Variants in PKN2 observed in about 807,000 individuals in gnomAD.
PKN2 encodes protein kinase N2.
Under a neutral mutation model 119.1 loss-of-function variants are expected in PKN2, and 38 were observed. The observed-to-expected ratio is 0.32, with a 90% CI of 0.25 to 0.42. The LOEUF (loss-of-function observed/expected upper bound fraction) is 0.42, where lower values mean the gene tolerates loss of function less well. PKN2 is among the 10% of genes least tolerant of loss of function. The pLI is 1.00. For missense variants in PKN2, 850 were observed against 1,165.1 expected, an observed-to-expected ratio of 0.73 and a Z score of 3.94; for synonymous variants, 390 against 384.9, an observed-to-expected ratio of 1.01 and a Z score of -0.15.
Position 88,684,406 on chromosome 1 carries a change from A to T in PKN2, c.-175A>T. 1.8e-6 allele frequency: 1 copy of T among 552,100 alleles called. No individual in the cohort carries two copies. The highest frequency in any genetic ancestry group is 3.1e-6 in the Non-Finnish European group (1 of 322,140). 34.2% of individuals were successfully genotyped at this position (552,100 alleles called of 1,614,324 possible). ...GTGCCCTAGCTCCCCGCCGCTCTCG[A>T]TGAACCGGACGGAATAAGCCGCGCC... On this transcript the variant is annotated 5_prime_UTR_variant, in exon 1 of 22. The change abolishes an upstream ATG in the 5' untranslated region. Coordinates refer to ENST00000370521, the MANE Select transcript of PKN2 (RefSeq NM_006256.4).
chr1:88,804,609 G>A (rs1671459413), intron 9 of PKN2, 75 bp downstream of exon 9: 3 of 1,405,396 alleles, frequency 2.1e-6, no homozygotes, highest in Non-Finnish European at 3.0e-6. Context: ...TATAGAAGTA[G>A]AAAGAGTGTT....
Position 88,771,101 on chromosome 1 carries a change from T to G in PKN2, c.623-320T>G, listed in dbSNP as rs894286500. Among the ~76,000 whole-genome samples, 3 of 152,120 alleles carry G rather than the reference T, an allele frequency of 2.0e-5. No homozygotes were observed. The South Asian group carries it at 6.2e-4, about 31-fold the overall frequency. ...CTTTTGTTTTTTTGTTTTGTTTTAT[T>G]TATTTTTTAATTCCAGAAGAAATCT... On this transcript the variant is annotated intron_variant, in intron 4 of 21. Coordinates refer to ENST00000370521, the MANE Select transcript of PKN2 (RefSeq NM_006256.4).
chr1:88,795,464 A>G (rs994060518), intron 8 of PKN2, among the ~76,000 whole-genome samples: 1 of 152,210 alleles, frequency 6.6e-6, no homozygotes, highest in African/African-American at 2.4e-5. Flanking sequence ...TTCTTGAAAA[A>G]TAAGTTGTGT....
chr1:88,762,182 G>T (rs756841882), intron 3 of PKN2, among the ~76,000 whole-genome samples: 2 of 152,212 alleles, frequency 1.3e-5, no homozygotes, highest in Admixed American at 6.5e-5. Context: ...ACGAACCACT[G>T]CTCTAAGTTG....
At chr1:88,746,065 G>A (rs1421143673) in intron 2 of PKN2, among the ~76,000 whole-genome samples, 2 of 152,048 alleles carry the variant, frequency 1.3e-5, no homozygotes, top group Admixed American at 6.6e-5. Context: ...ACCCTTATAC[G>A]TAATACCTTT....
chr1:88,691,916 C>T (rs753373949), intron 1 of PKN2, among the ~76,000 whole-genome samples: 2 of 151,308 alleles, frequency 1.3e-5, no homozygotes, highest in Non-Finnish European at 2.9e-5. Context: ...CTTACTGTGC[C>T]TAATTTATAA....
At position 88,786,087 on chromosome 1, in the gene PKN2, G is replaced by T. The variant is rs531659129; in HGVS notation, c.1172-17G>T. 8.0e-6 allele frequency: 12 copies of T among 1,501,816 alleles called. No individual in the cohort carries two copies. The South Asian group carries it at 8.0e-5, about 10-fold the overall frequency. The allele number at this position is 1,501,816 out of a possible 1,614,324, so 93.0% of individuals were successfully genotyped here. On this transcript the variant is annotated splice_polypyrimidine_tract_variant and intron_variant, in intron 7 of 21. Coordinates refer to ENST00000370521, the MANE Select transcript of PKN2 (RefSeq NM_006256.4). ...AGGTTTAAAGTTTTTAAGCAAGTTT[G>T]TAAATTTTAATTACAGATGATGTCT...
At chr1:88,730,016 T>G (rs1557571736) in intron 1 of PKN2, among the ~76,000 whole-genome samples, 1 of 151,912 alleles carries the variant, frequency 6.6e-6, no homozygotes, top group Non-Finnish European at 1.5e-5. Flanking sequence ...TACAAAAAAA[T>G]TAGCCGGGTG....
chr1:88,787,801 G>C (rs1670642485), intron 8 of PKN2, among the ~76,000 whole-genome samples: 1 of 152,138 alleles, frequency 6.6e-6, no homozygotes, highest in South Asian at 2.1e-4. Flanking sequence ...ATGTTAAGCA[G>C]GTCCTCTAGG....
chr1:88,782,088 G>A (rs1478007581), intron 6 of PKN2, among the ~76,000 whole-genome samples: 3 of 151,986 alleles, frequency 2.0e-5, no homozygotes, highest in African/African-American at 4.8e-5. Flanking sequence ...AGTTTTTAGG[G>A]CAGTTTTATT....
chr1:88,804,736 G>A (rs773627181), intron 9 of PKN2, 110 bp from the exon 10 acceptor site: 29 of 756,050 alleles, frequency 3.8e-5, no homozygotes, highest in Non-Finnish European at 6.0e-5. Flanking sequence ...GAAAATGAGG[G>A]GCTGGACTAA....
intron 19 of PKN2, among the ~76,000 whole-genome samples, chr1:88,829,788 A>C (rs563360532): frequency 6.6e-6 from 1 of 152,202 alleles, no homozygotes; most frequent in Non-Finnish European, 1.5e-5. Context: ...TCCCTTGTAC[A>C]CTTGTAAGTT....
At chr1:88,758,062 A>AAAAAAAAAAG (rs539880214) in intron 2 of PKN2, among the ~76,000 whole-genome samples, 1 of 144,108 alleles carries the variant, frequency 6.9e-6, no homozygotes, top group African/African-American at 2.7e-5. Context: ...AAAAAAAAAA[A>AAAAAAAAAAG]AGAAGTGTTT....
intron 3 of PKN2, 54 bp downstream of exon 3, chr1:88,760,430 A>G (rs575151869): frequency 9.9e-6 from 10 of 1,008,714 alleles, no homozygotes; most frequent in South Asian, 1.7e-5. Context: ...TGCAGATTCC[A>G]TAGTTATAAA....
chr1:88,699,224 C>A (rs921306419), intron 1 of PKN2, among the ~76,000 whole-genome samples: 1 of 152,068 alleles, frequency 6.6e-6, no homozygotes, highest in African/African-American at 2.4e-5. Context: ...TTTCCTATTT[C>A]TTTAAATTTT....
chr1:88,738,321 C>T (rs1259494077), intron 1 of PKN2, among the ~76,000 whole-genome samples: 3 of 152,210 alleles, frequency 2.0e-5, no homozygotes, highest in Non-Finnish European at 4.4e-5. Flanking sequence ...AGGCATTCAA[C>T]TAAATTCTAA....
At chr1:88,766,820 T>C (rs138752726) in intron 3 of PKN2, among the ~76,000 whole-genome samples, 27 of 152,340 alleles carry the variant, frequency 1.8e-4, no homozygotes, top group African/African-American at 5.5e-4. Context: ...GTAATAACTG[T>C]ATATTGCCTG....
intron 1 of PKN2, among the ~76,000 whole-genome samples, chr1:88,739,242 G>C (rs754731184): frequency 1.3e-5 from 2 of 152,038 alleles, no homozygotes; most frequent in Non-Finnish European, 2.9e-5. Context: ...GGACGTCAAG[G>C]TGGGAGGATC....
At chr1:88,719,111 G>C (rs558658320) in intron 1 of PKN2, among the ~76,000 whole-genome samples, 3 of 152,256 alleles carry the variant, frequency 2.0e-5, no homozygotes, top group African/African-American at 7.2e-5. Flanking sequence ...ACGAAGACCA[G>C]TATGAGGACA....
Sources: allele counts gnomAD v4.1 joint callset (sites outside exome capture counted in the v4.1 genomes callset), GRCh38; gene constraint gnomAD v4.1.1; transcripts MANE v1.5; gene names NCBI Gene and HGNC (gene_info 2026-07-23, HGNC 2026-07-21).